The following JAK1 variants were observed in gnomAD, a reference collection of about 807,000 sequenced individuals.
The protein encoded by JAK1 is Janus kinase 1.
Under a neutral mutation model 136.6 loss-of-function variants are expected in JAK1, and 16 were observed. The observed-to-expected ratio is 0.12, with a 90% CI of 0.08 to 0.18. The LOEUF (loss-of-function observed/expected upper bound fraction) is 0.18, where lower values mean the gene tolerates loss of function less well. JAK1 is among the 10% of genes least tolerant of loss of function. The pLI, the probability that JAK1 is intolerant of heterozygous loss-of-function variation, is 1.00. For missense variants in JAK1, 859 were observed against 1,450.1 expected (o/e 0.59, Z 6.62); for synonymous variants, 492 against 519.5 (o/e 0.95, Z 0.72).
intron 2 of JAK1, among the ~76,000 whole-genome samples, chr1:64,980,843 C>T (rs113376809): frequency 2.0e-5 from 3 of 151,794 alleles, no homozygotes; most frequent in African/African-American, 7.3e-5. Context: ...TTTGTCCTTG[C>T]GATAGTTTGC....
intron 2 of JAK1, among the ~76,000 whole-genome samples, chr1:65,031,386 T>G (rs1210973921): frequency 6.6e-6 from 1 of 152,148 alleles, no homozygotes; most frequent in Non-Finnish European, 1.5e-5. Flanking sequence ...TAGGAGTTAT[T>G]TTGTAGAACA....
At chr1:64,987,872 C>T (rs979909710) in intron 2 of JAK1, among the ~76,000 whole-genome samples, 3 of 152,142 alleles carry the variant, frequency 2.0e-5, no homozygotes, top group Non-Finnish European at 2.9e-5. Flanking sequence ...TTCCAAGTAC[C>T]TAGAGTATAA....
chr1:64,981,868 C>A (rs1646549002), intron 2 of JAK1, among the ~76,000 whole-genome samples: 1 of 152,108 alleles, frequency 6.6e-6, no homozygotes, highest in Admixed American at 6.5e-5. Context: ...ATAATAATGC[C>A]CCTTTAGAGA....
At chr1:64,932,916 C>T (rs996640915) in intron 1 of JAK1, among the ~76,000 whole-genome samples, 2 of 151,854 alleles carry the variant, frequency 1.3e-5, no homozygotes, top group Admixed American at 6.6e-5. Flanking sequence ...TACCACAAAT[C>T]AAAGGTTTTT....
intron 2 of JAK1, among the ~76,000 whole-genome samples, chr1:65,035,291 T>C (rs1288790381): frequency 6.6e-6 from 1 of 152,164 alleles, no homozygotes; most frequent in African/African-American, 2.4e-5. Flanking sequence ...TGACCTGTAG[T>C]TTCTAGACAG....
chr1:65,044,707 G>A (rs1457087629), intron 1 of JAK1, among the ~76,000 whole-genome samples: 2 of 152,202 alleles, frequency 1.3e-5, no homozygotes, highest in Admixed American at 1.3e-4. Context: ...CCAACGGCAA[G>A]GGGAGAGATG....
intron 20 of JAK1, among the ~76,000 whole-genome samples, chr1:64,838,947 CA>C (rs1445285802): frequency 7.2e-5 from 11 of 151,726 alleles, no homozygotes; most frequent in Admixed American, 2.6e-4. Context: ...AGATCGAGAC[CA>C]TCCTGGCTAA....
At chr1:64,868,130 G>A (rs969563089) in intron 6 of JAK1, among the ~76,000 whole-genome samples, 4 of 152,140 alleles carry the variant, frequency 2.6e-5, no homozygotes, top group Admixed American at 2.0e-4. Flanking sequence ...AAGATCAACA[G>A]GTAAGCTGAA....
chr1:64,935,065 A>G (rs1202836570), intron 1 of JAK1, among the ~76,000 whole-genome samples: 8 of 152,206 alleles, frequency 5.3e-5, no homozygotes, highest in Admixed American at 5.2e-4. Context: ...AATAGGAATG[A>G]GGAAGCTTCT....
At chr1:64,921,013 T>G (rs1483567772) in intron 1 of JAK1, among the ~76,000 whole-genome samples, 1 of 152,160 alleles carries the variant, frequency 6.6e-6, no homozygotes, top group Non-Finnish European at 1.5e-5. Context: ...GTTAAATGTA[T>G]CCAGTGACTT....
chr1:64,970,363 C>T (rs186654989), upstream of JAK1, among the ~76,000 whole-genome samples: 6 of 151,932 alleles, frequency 3.9e-5, no homozygotes, highest in East Asian at 1.2e-3. Flanking sequence ...ATAGCTTGAA[C>T]CCGGAAGGCA....
chr1:64,914,338 TG>T (rs921422198), intron 1 of JAK1, among the ~76,000 whole-genome samples: 1 of 152,170 alleles, frequency 6.6e-6, no homozygotes, highest in Non-Finnish European at 1.5e-5. Context: ...TGACCATAGA[TG>T]CTTCAAATAA....
At chr1:64,970,154 A>AAAAAAG (rs1646438154), upstream of JAK1, among the ~76,000 whole-genome samples, 1 of 142,030 alleles carries the variant, frequency 7.0e-6, no homozygotes, top group Non-Finnish European at 1.5e-5. Context: ...AAAAAAAAAA[A>AAAAAAG]ACGGCCGGGC....
rs563774305 is a variant in JAK1, at chr1:65,048,077, A to C, written c.-180-3495T>G. The stretch of plus-strand genomic sequence containing the variant: ...GTATATTCAAAGAAAAAAACCAAAC[A>C]GGAGTAGATCCTGATGTTGTTTGCA... On this transcript the variant is annotated intron_variant, in intron 1 of 25. Coordinates refer to the JAK1 transcript ENST00000671954. 3.3e-5 allele frequency among the ~76,000 whole-genome samples: 5 copies of C among 152,308 alleles called. No individual in the cohort carries two copies. The South Asian group carries it at 1.0e-3, about 32-fold the overall frequency.
At chr1:65,017,645 AT>A (rs1646901647) in intron 2 of JAK1, among the ~76,000 whole-genome samples, 1 of 152,312 alleles carries the variant, frequency 6.6e-6, no homozygotes, top group Admixed American at 6.5e-5. Flanking sequence ...CTCAACAGAT[AT>A]TAAAGGATTA....
At chr1:64,962,500 C>T (rs190597286) in intron 1 of JAK1, among the ~76,000 whole-genome samples, 7 of 152,136 alleles carry the variant, frequency 4.6e-5, no homozygotes, top group Admixed American at 3.3e-4. Context: ...GGAGGTATCA[C>T]GGAAATGAGC....
intron 2 of JAK1, among the ~76,000 whole-genome samples, chr1:65,016,441 G>A (rs560737682): frequency 1.8e-4 from 28 of 152,292 alleles, no homozygotes; most frequent in African/African-American, 6.0e-4. Flanking sequence ...GGGCAACATA[G>A]TGAAACCCTG....
In JAK1 at chr1:64,841,271, G is replaced by A. The variant is rs1449784467; in HGVS notation, c.2623C>T (p.Leu875=). 6.2e-7 allele frequency: 1 copy of A among 1,614,058 alleles called. No homozygotes were observed. The highest frequency in any genetic ancestry group is 1.7e-4 in the Middle Eastern group (1 of 6,060). Residue 875 remains leucine (L), a synonymous_variant, in exon 19 of 25, where the codon CTA becomes TTA. Transcript: ENST00000342505. ...VDPTHFEKRF[L]KRIRDLGEGH... ...TCTCCCAAGTCACGGATCCTCTTTA[G>A]GAAGCGCTTTTCAAAATGTGTGGGG...
At chr1:64,897,853 T>C (rs1218373716) in intron 1 of JAK1, among the ~76,000 whole-genome samples, 8 of 152,214 alleles carry the variant, frequency 5.3e-5, no homozygotes, top group African/African-American at 1.9e-4. Context: ...GGCATGGGCA[T>C]AGGACACCTG....
Sources: allele counts gnomAD v4.1 joint callset (sites outside exome capture counted in the v4.1 genomes callset), GRCh38; gene constraint gnomAD v4.1.1; transcripts MANE v1.5; gene names NCBI Gene and HGNC (gene_info 2026-07-23, HGNC 2026-07-21).